Variants in PIBF1 observed in about 807,000 individuals in gnomAD.
The protein encoded by PIBF1 is progesterone-induced-blocking factor 1.
A neutral mutation model predicts 112.5 loss-of-function variants in PIBF1; 90 were observed. The observed-to-expected ratio is 0.80, with a 90% CI of 0.67 to 0.95. The LOEUF (loss-of-function observed/expected upper bound fraction) is 0.95, where lower values mean the gene tolerates loss of function less well. Ranked by LOEUF, PIBF1 falls within the 40% of genes least tolerant of loss-of-function variation. The pLI is 0.00. For synonymous variants in PIBF1, 301 were observed against 288.6 expected, an observed-to-expected ratio of 1.04 and a Z score of -0.44; for missense variants, 915 against 852.3, an observed-to-expected ratio of 1.07 and a Z score of -0.92.
chr13:72,929,887 GTC>G (rs543996995), intron 13 of PIBF1, among the ~76,000 whole-genome samples: 270 of 152,064 alleles, frequency 1.8e-3, no homozygotes, highest in Non-Finnish European at 2.5e-3. Flanking sequence ...TAGAGACAGG[GTC>G]TCTGTGTCAC....
At chr13:72,843,584 G>C (rs889080059) in intron 9 of PIBF1, among the ~76,000 whole-genome samples, 4 of 152,182 alleles carry the variant, frequency 2.6e-5, no homozygotes, top group Non-Finnish European at 4.4e-5. Context: ...GCTAATTTTT[G>C]TACTTTTAGT....
At chr13:72,944,984 T>C (rs1282835261) in intron 14 of PIBF1, among the ~76,000 whole-genome samples, 2 of 152,270 alleles carry the variant, frequency 1.3e-5, no homozygotes, top group Admixed American at 6.5e-5. Context: ...TGGAGTTTAA[T>C]TGCTACTGTC....
At chr13:72,892,653 C>G (rs373899048) in intron 10 of PIBF1, among the ~76,000 whole-genome samples, 3 of 151,938 alleles carry the variant, frequency 2.0e-5, no homozygotes, top group East Asian at 3.9e-4. Flanking sequence ...TGCAAAATAC[C>G]TAGTAGATCC....
intron 5 of PIBF1, among the ~76,000 whole-genome samples, chr13:72,800,836 A>G (rs2137997273): frequency 6.6e-6 from 1 of 152,356 alleles, no homozygotes; most frequent in East Asian, 1.9e-4. Flanking sequence ...AAATAGTTCA[A>G]GATAAGGTGA....
At chr13:72,936,256 G>A (rs1349171837) in intron 14 of PIBF1, among the ~76,000 whole-genome samples, 1 of 151,834 alleles carries the variant, frequency 6.6e-6, no homozygotes, top group Non-Finnish European at 1.5e-5. Context: ...AGGTTGTCTC[G>A]AACTCCTGGG....
At chr13:72,824,036 C>G (rs934467048) in intron 6 of PIBF1, among the ~76,000 whole-genome samples, 3 of 151,962 alleles carry the variant, frequency 2.0e-5, no homozygotes, top group Non-Finnish European at 2.9e-5. Context: ...TTTTTTGAGA[C>G]AGAGTCTCAC....
At chr13:73,013,455 AAAAC>A (rs1483874232) in intron 17 of PIBF1, among the ~76,000 whole-genome samples, 2 of 151,926 alleles carry the variant, frequency 1.3e-5, no homozygotes, top group East Asian at 1.9e-4. Context: ...CAAAAAGAAA[AAAAC>A]AAAAAACGAA....
At chr13:72,996,620 T>G (rs61966213) in intron 16 of PIBF1, among the ~76,000 whole-genome samples, 31,061 of 152,018 alleles carry the variant, frequency 0.2, 3,222 homozygotes, top group East Asian at 0.25. Flanking sequence ...AGACCTCATC[T>G]CTACCAAAAA....
At chr13:73,003,056 G>A (rs1285268389) in intron 17 of PIBF1, among the ~76,000 whole-genome samples, 1 of 147,004 alleles carries the variant, frequency 6.8e-6, no homozygotes, top group Non-Finnish European at 1.5e-5. Context: ...TGCACCTCCA[G>A]TGTATAGTGT....
At chr13:72,805,244 G>T (rs1038273521) in intron 5 of PIBF1, among the ~76,000 whole-genome samples, 1 of 152,200 alleles carries the variant, frequency 6.6e-6, no homozygotes, top group Non-Finnish European at 1.5e-5. Flanking sequence ...CTGGGTTTAC[G>T]CCATTCTCCT....
chr13:72,922,199 A>G (rs965711763), intron 13 of PIBF1, among the ~76,000 whole-genome samples: 3 of 151,792 alleles, frequency 2.0e-5, no homozygotes, highest in Non-Finnish European at 4.4e-5. Context: ...GCTGGTCTGG[A>G]GCTCCTGGCC....
intron 16 of PIBF1, among the ~76,000 whole-genome samples, chr13:72,986,413 CT>C (rs1398408601): frequency 1.3e-5 from 2 of 152,120 alleles, no homozygotes; most frequent in African/African-American, 2.4e-5. Flanking sequence ...TCCCACACTC[CT>C]GTTTTAAGTC....
At chr13:72,990,213 CAAAA>C (rs34873893) in intron 16 of PIBF1, among the ~76,000 whole-genome samples, 28 of 52,706 alleles carry the variant, frequency 5.3e-4, no homozygotes, top group Non-Finnish European at 1.0e-3. Context: ...GACTCTGTCT[CAAAA>C]AAAAAAAAAA....
At chr13:72,848,384 A>T (rs562183847) in intron 9 of PIBF1, among the ~76,000 whole-genome samples, 1 of 152,086 alleles carries the variant, frequency 6.6e-6, no homozygotes, top group African/African-American at 2.4e-5. Flanking sequence ...ACGTTAGTCT[A>T]TTGTTACGAA....
chr13:72,931,329 CTT>C, intron 14 of PIBF1, 62 bp downstream of exon 14: 1 of 1,051,224 alleles, frequency 9.5e-7, no homozygotes, highest in South Asian at 1.4e-5. Flanking sequence ...GTTTGTAACT[CTT>C]TTATTTTTCT....
chr13:72,923,402 A>G (rs1566451990), intron 13 of PIBF1, among the ~76,000 whole-genome samples: 1 of 152,388 alleles, frequency 6.6e-6, no homozygotes, highest in East Asian at 1.9e-4. Flanking sequence ...ACCAAGTAAC[A>G]GGTGAAATTT....
intron 16 of PIBF1, among the ~76,000 whole-genome samples, chr13:72,975,131 C>T (rs1253373790): frequency 6.6e-6 from 1 of 150,944 alleles, no homozygotes; most frequent in Non-Finnish European, 1.5e-5. Flanking sequence ...TCTCGGCTCA[C>T]GGCAACCTCT....
chr13:72,813,963 AATC>A (rs1322156547), intron 5 of PIBF1, among the ~76,000 whole-genome samples: 1 of 152,074 alleles, frequency 6.6e-6, no homozygotes, highest in East Asian at 1.9e-4. Context: ...GGCCTATAAA[AATC>A]TATGGATTAC....
intron 10 of PIBF1, among the ~76,000 whole-genome samples, chr13:72,878,216 TC>T (rs1250854383): frequency 6.6e-6 from 1 of 152,128 alleles, no homozygotes; most frequent in Non-Finnish European, 1.5e-5. Flanking sequence ...TTTAATTTAC[TC>T]TTTTTTTTCT....
Sources: allele counts gnomAD v4.1 joint callset (sites outside exome capture counted in the v4.1 genomes callset), GRCh38; gene constraint gnomAD v4.1.1; transcripts MANE v1.5; gene names NCBI Gene and HGNC (gene_info 2026-07-23, HGNC 2026-07-21).